Variants in TRNAU1AP observed in about 807,000 individuals in gnomAD.
TRNAU1AP encodes the protein tRNA selenocysteine 1 associated protein 1, also known as tRNA selenocysteine 1-associated protein 1.
A neutral mutation model predicts 43.3 loss-of-function variants in TRNAU1AP; 33 were observed. The ratio of observed to expected loss-of-function variants is 0.76; its 90% confidence interval spans 0.58 to 1.02. TRNAU1AP has a LOEUF of 1.02. Ranked by LOEUF, TRNAU1AP falls within the 50% of genes least tolerant of loss-of-function variation. TRNAU1AP has a pLI of 0.00. For synonymous variants in TRNAU1AP, 143 were observed against 129.1 expected, an observed-to-expected ratio of 1.11 and a Z score of -0.73; for missense variants, 290 against 362.7, an observed-to-expected ratio of 0.80 and a Z score of 1.63.
intron 3 of TRNAU1AP, chr1:28,560,964 C>T (rs1009564061): frequency 2.8e-6 from 3 of 1,082,664 alleles, no homozygotes; most frequent in South Asian, 1.9e-5. Flanking sequence ...GATTGGTTGC[C>T]TCCCAAATCC....
intron 6 of TRNAU1AP, among the ~76,000 whole-genome samples, chr1:28,569,827 A>AT (rs1346860124): frequency 7.3e-6 from 1 of 136,416 alleles, no homozygotes. Flanking sequence ...TCTACTAAAA[A>AT]TACCAAAAAA....
rs145096100 is a variant in TRNAU1AP, at chr1:28,564,785, C to G, written c.361C>G (p.Pro121Ala). 3.9e-5 allele frequency: 63 copies of G among 1,614,098 alleles called. No homozygotes were observed. In the African/African-American group the frequency reaches 7.9e-4, roughly 20 times the overall value. Residue 121 changes from proline (P) to alanine (A), a missense_variant, in exon 5 of 9, where the codon CCC becomes GCC. Transcript: ENST00000373830. ...GTATGAATTCTTCGTCAAAGTCTAC[C>G]CCTCCTGTCGGGGAGGCAAGGTGGT... is the stretch of plus-strand genomic sequence containing the variant. ...MLYEFFVKVYPSCRGGKVVLD... is the reference protein window; with the variant it reads ...MLYEFFVKVYASCRGGKVVLD...
chr1:28,572,136 C>T (rs796249485), intron 8 of TRNAU1AP, among the ~76,000 whole-genome samples: 3 of 152,252 alleles, frequency 2.0e-5, no homozygotes, highest in African/African-American at 7.2e-5. Context: ...CCCATCACCC[C>T]CTTGACATGT....
intron 3 of TRNAU1AP, 147 bp from the exon 4 acceptor site, chr1:28,561,199 C>T (rs908457733): frequency 1.4e-6 from 2 of 1,471,562 alleles, no homozygotes; most frequent in Non-Finnish European, 1.8e-6. Flanking sequence ...ATCCGTGCAA[C>T]CCCCTCATTT....
chr1:28,562,710 AGCT>A (rs1051306856), intron 4 of TRNAU1AP, among the ~76,000 whole-genome samples: 5 of 151,140 alleles, frequency 3.3e-5, no homozygotes, highest in African/African-American at 4.9e-5. Context: ...CCTCCCGAGT[AGCT>A]GGGACTACAG....
At chr1:28,569,938 T>TCCCCC (rs1665626802) in intron 6 of TRNAU1AP, among the ~76,000 whole-genome samples, 1 of 149,636 alleles carries the variant, frequency 6.7e-6, no homozygotes, top group South Asian at 2.1e-4. Context: ...GAGGCGGAGG[T>TCCCCC]TGCAGTGAGC....
At chr1:28,564,293 G>A (rs1034688963) in intron 4 of TRNAU1AP, among the ~76,000 whole-genome samples, 2 of 152,118 alleles carry the variant, frequency 1.3e-5, no homozygotes, top group African/African-American at 4.8e-5. Flanking sequence ...TTTAATTTTC[G>A]CTAGGCTTTA....
intron 1 of TRNAU1AP, chr1:28,553,362 G>A: frequency 3.2e-6 from 2 of 626,254 alleles, no homozygotes; most frequent in Non-Finnish European, 5.7e-6. Flanking sequence ...AGGGAAAGGT[G>A]GTGCTTTGGG....
chr1:28,556,714 C>T lies in TRNAU1AP; in HGVS notation c.125+2977C>T, dbSNP rs1418524685. 7.2e-5 allele frequency among the ~76,000 whole-genome samples: 11 copies of T among 151,966 alleles called. No individual in the cohort carries two copies. The South Asian group carries it at 1.5e-3, about 20-fold the overall frequency. Reference sequence around the variant, plus strand: ...TTGTTTGTTTTTTGAGACGGAGTCTCGCTCTGTCACCCAGGCAGGAGTGCA... The same window carrying T: ...TTGTTTGTTTTTTGAGACGGAGTCTTGCTCTGTCACCCAGGCAGGAGTGCA... On this transcript the variant is annotated intron_variant, in intron 2 of 8. Coordinates refer to ENST00000373830, the MANE Select transcript of TRNAU1AP (RefSeq NM_017846.5).
chr1:28,558,215 A>AT (rs1187371829), intron 2 of TRNAU1AP, among the ~76,000 whole-genome samples: 29,041 of 110,540 alleles, frequency 0.26, 4,120 homozygotes, highest in Middle Eastern at 0.38. Context: ...TAATTTTTGT[A>AT]TTTTTTTTTT....
Position 28,575,455 on chromosome 1 carries a change from G to GTTTT in TRNAU1AP, c.728-2039_728-2036dup, listed in dbSNP as rs778900360. Among the ~76,000 whole-genome samples the GTTTT allele has an allele frequency of 3.6e-5, 5 of 137,854 alleles. 1 individual carries two copies. The highest frequency in any genetic ancestry group is 1.6e-5 in the Non-Finnish European group (1 of 63,106). The allele number at this position is 137,854 out of a possible 152,430, so 90.4% of individuals were successfully genotyped here. A position where few individuals can be genotyped will look rare whatever the true frequency, so the allele number is the denominator to read the frequency against. On this transcript the variant is annotated intron_variant, in intron 8 of 8. Transcript: ENST00000373830. ...TGTGAACCACTGCGCCAGGCCCAAT[G>GTTTT]TTTTTTTTTGTTTTTTTTTTTTTTG...
rs1206827224 is a variant in TRNAU1AP, at chr1:28,569,744, T to C, written c.531-1432T>C. Among the ~76,000 whole-genome samples the C allele has an allele frequency of 7.2e-4, 102 of 140,930 alleles. 1 individual carries two copies. The highest frequency in any genetic ancestry group is 2.5e-3 in the African/African-American group (93 of 37,192). 92.5% of individuals were successfully genotyped at this position (140,930 alleles called of 152,430 possible). A position where few individuals can be genotyped will look rare whatever the true frequency, so the allele number is the denominator to read the frequency against. ...GCTCACGCCTGTAATCCCAGCACTT[T>C]GGGAGGCCGAGGCGGGCAGATCACA... is the stretch of plus-strand genomic sequence containing the variant. On this transcript the variant is annotated intron_variant, in intron 6 of 8. Transcript: ENST00000373830.
At chr1:28,553,568 G>T in intron 1 of TRNAU1AP, 72 bp from the exon 2 acceptor site, 1 of 1,444,938 alleles carries the variant, frequency 6.9e-7, no homozygotes, top group Non-Finnish European at 9.7e-7. Flanking sequence ...GGGCTGAACG[G>T]GAGGGGCTCT....
chr1:28,557,934 C>CTGTT (rs56987134), intron 2 of TRNAU1AP, among the ~76,000 whole-genome samples: 1 of 147,282 alleles, frequency 6.8e-6, no homozygotes, highest in Non-Finnish European at 1.5e-5. Context: ...GAGTCTCTGT[C>CTGTT]GCCCAGGCTG....
chr1:28,571,786 A>AAAAAAAAAAAAAAT, intron 7 of TRNAU1AP, 81 bp from the exon 8 acceptor site: 3 of 1,008,548 alleles, frequency 3.0e-6, no homozygotes, highest in Non-Finnish European at 1.5e-6. Context: ...CCACCTCAAA[A>AAAAAAAAAAAAAAT]AAAATAAAAA....
intron 4 of TRNAU1AP, among the ~76,000 whole-genome samples, chr1:28,562,782 C>T (rs770858241): frequency 5.9e-5 from 9 of 151,828 alleles, no homozygotes; most frequent in African/African-American, 7.3e-5. Context: ...AGGGTTTCAC[C>T]GTGTTAGCCA....
chr1:28,553,617 G>T (rs1200005597), intron 1 of TRNAU1AP, 23 bp from the exon 2 acceptor site: 4 of 1,611,154 alleles, frequency 2.5e-6, no homozygotes, highest in Non-Finnish European at 3.4e-6. Flanking sequence ...GGCCTGAGCC[G>T]CTGTGCTCTT....
chr1:28,565,833 G>A (rs546920793), intron 5 of TRNAU1AP: 13 of 152,026 alleles, frequency 8.6e-5, no homozygotes, highest in Admixed American at 2.0e-4. Context: ...CCTCAAGAAA[G>A]GCTCATTCTT....
At chr1:28,573,849 C>T (rs1293662413) in intron 8 of TRNAU1AP, among the ~76,000 whole-genome samples, 1 of 150,524 alleles carries the variant, frequency 6.6e-6, no homozygotes, top group East Asian at 2.0e-4. Context: ...AAGCAGGAGA[C>T]TCACTTGAAC....
Sources: gnomAD v4.1 joint callset for allele counts (sites outside exome capture counted in the v4.1 genomes callset) on GRCh38, gnomAD v4.1.1 for gene constraint, MANE v1.5 for transcripts, NCBI Gene and HGNC (gene_info 2026-07-23, HGNC 2026-07-21) for gene names.